Variants in WDR86 observed in about 807,000 individuals in gnomAD.
The protein encoded by WDR86 is WD repeat-containing protein 86.
WDR86 carries 30 observed loss-of-function variants against 36.5 expected under a neutral mutation model. That is an observed-to-expected ratio of 0.82 (90% CI 0.61 to 1.11). WDR86 has a LOEUF of 1.11. Among genes scored for constraint, WDR86 ranks in the 50% most tolerant of loss-of-function variants. The probability of loss-of-function intolerance (pLI) is 0.00; values close to 1 mark genes in which losing one functional copy is unlikely to be tolerated. For synonymous variants in WDR86, 255 were observed against 252.9 expected (o/e 1.01, Z -0.08); for missense variants, 545 against 561.2 (o/e 0.97, Z 0.29).
chr7:151,400,286 A>G (rs752995651), intron 1 of WDR86, 45 bp from the exon 2 acceptor site: 5 of 1,495,496 alleles, frequency 3.3e-6, no homozygotes, highest in Non-Finnish European at 4.5e-6. Flanking sequence ...TGGGGATGCC[A>G]GCTCCTGCTT....
At position 151,409,293 on chromosome 7, in the gene WDR86, C is replaced by A. The variant is rs759028443; in HGVS notation, c.163+134G>T. ...GCCAGATGCTGGGCCCAGACAAGCG[C>A]TCTTCCGCTAGTGTGCCGGGATGAG... is the stretch of plus-strand genomic sequence containing the variant. On this transcript the variant is annotated intron_variant, in intron 1 of 5. Coordinates refer to ENST00000334493, the MANE Select transcript of WDR86 (RefSeq NM_198285.3). This position sits in a 1 kb window ranked among gnomAD's most constrained non-coding sequence, Gnocchi z 5.2. The A allele has an allele frequency of 2.1e-6, 3 of 1,396,544 alleles. No individual in the cohort carries two copies. The highest frequency in any genetic ancestry group is 1.3e-5 in the South Asian group (1 of 74,854). 86.5% of individuals were successfully genotyped at this position (1,396,544 alleles called of 1,614,324 possible).
At chr7:151,383,249 G>A (rs1302302411) in intron 4 of WDR86, among the ~76,000 whole-genome samples, 1 of 151,968 alleles carries the variant, frequency 6.6e-6, no homozygotes, top group Non-Finnish European at 1.5e-5. Flanking sequence ...AGCTGGCAGA[G>A]CAGATCATGA....
rs1458249397 is a variant in WDR86, at chr7:151,406,358, C to A, written c.163+3069G>T. On this transcript the variant is annotated intron_variant, in intron 1 of 5. Transcript: ENST00000334493. The surrounding 1 kb of genome is among the most constrained non-coding windows in gnomAD (Gnocchi z 4.4). ...CAGGAAAGCCTGCGGTCCCTGATTG[C>A]CCCTGCTGCCATGAACAGAGCCAGA... 6.6e-6 allele frequency among the ~76,000 whole-genome samples: 1 copy of A among 152,206 alleles called. No homozygotes were observed. Among genetic ancestry groups the A allele is most frequent in the Non-Finnish European group, 1.5e-5 (1 of 68,038 alleles).
Position 151,400,136 on chromosome 7 carries a change from AGACACTGCCCGGTCAGCAC to A in WDR86, c.250_268del (p.Val84CysfsTer11), listed in dbSNP as rs1310550072. On this transcript the variant is annotated frameshift_variant, in exon 2 of 6. Transcript: ENST00000334493. LOFTEE classifies it high-confidence loss of function. The stretch of plus-strand genomic sequence containing the variant: ...GGACGTGTGTCCTCGGTACACCTGC[AGACACTGCCCGGTCAGCAC>A]GTCCCACCTCCTGATGGTGCAGTCG... 5 of 1,611,852 alleles carry A rather than the reference AGACACTGCCCGGTCAGCAC, an allele frequency of 3.1e-6. No individual in the cohort carries two copies. The highest frequency in any genetic ancestry group is 1.1e-5 in the South Asian group (1 of 90,530).
intron 3 of WDR86, among the ~76,000 whole-genome samples, chr7:151,393,783 C>T (rs923023878): frequency 1.2e-4 from 18 of 152,208 alleles, no homozygotes; most frequent in South Asian, 1.0e-3. Flanking sequence ...TTACGAGTCT[C>T]GGGCCACTAG....
intron 4 of WDR86, among the ~76,000 whole-genome samples, chr7:151,382,222 G>C (rs1798649060): frequency 6.6e-6 from 1 of 152,204 alleles, no homozygotes; most frequent in Admixed American, 6.5e-5. Context: ...AACACCGCCC[G>C]GGCCCAGTCC....
intron 2 of WDR86, among the ~76,000 whole-genome samples, chr7:151,396,514 G>A (rs1293925190): frequency 6.6e-6 from 1 of 152,180 alleles, no homozygotes; most frequent in East Asian, 1.9e-4. Context: ...GGATGGGGGA[G>A]GAGGTAGGGG....
intron 4 of WDR86, among the ~76,000 whole-genome samples, chr7:151,382,448 C>G (rs576620186): frequency 1.1e-4 from 17 of 152,330 alleles, no homozygotes; most frequent in Admixed American, 3.3e-4. Context: ...GGGCGAGCCT[C>G]CGACCTCAGT....
In WDR86 at chr7:151,385,107, G is replaced by A; in HGVS notation, c.843C>T (p.Leu281=). The change falls in exon 4 of 6, where the codon CTC becomes CTT. Residue 281 remains leucine, a synonymous_variant. Transcript: ENST00000334493. ...FTAHRRNVSA[L]KYHAGTLFTG... is the part of the protein sequence containing the mutation. Reference sequence around the variant, plus strand: ...ACTTACAGGTGCCCGCGTGGTACTTGAGGGCGCTCACGTTGCGTCTGTGGG... The same window carrying A: ...ACTTACAGGTGCCCGCGTGGTACTTAAGGGCGCTCACGTTGCGTCTGTGGG... 6.2e-7 allele frequency: 1 copy of A among 1,609,116 alleles called. No homozygotes were observed. The highest frequency in any genetic ancestry group is 8.5e-7 in the Non-Finnish European group (1 of 1,177,732).
chr7:151,407,113 C>G (rs1354116434), intron 1 of WDR86, among the ~76,000 whole-genome samples: 1 of 152,180 alleles, frequency 6.6e-6, no homozygotes, highest in African/African-American at 2.4e-5. Flanking sequence ...AAATACCAAC[C>G]CATATAACAG....
intron 3 of WDR86, among the ~76,000 whole-genome samples, chr7:151,391,944 C>G (rs190365477): frequency 8.5e-5 from 13 of 152,298 alleles, no homozygotes; most frequent in African/African-American, 2.9e-4. Context: ...CCTAGTGAAG[C>G]AGGGTGTCAC....
chr7:151,385,258 G>A (rs1440984606), intron 3 of WDR86, 35 bp from the exon 4 acceptor site: 2 of 1,606,206 alleles, frequency 1.2e-6, no homozygotes, highest in South Asian at 1.1e-5. Flanking sequence ...GGCAGCTGGG[G>A]CAGCTCTGAA....
chr7:151,376,812 G>T (rs1563034033), downstream of WDR86: 2 of 1,578,886 alleles, frequency 1.3e-6, no homozygotes, highest in African/African-American at 1.3e-5. Context: ...GACTCCGCAG[G>T]TAGGTCTGAG....
intron 3 of WDR86, among the ~76,000 whole-genome samples, chr7:151,391,072 C>T (rs562334976): frequency 6.6e-6 from 1 of 152,332 alleles, no homozygotes; most frequent in African/African-American, 2.4e-5. Flanking sequence ...TTCCTGGACC[C>T]GAGAGGGCCA....
rs1055376682 is a variant in WDR86 at position 151,406,800 on chromosome 7, G to A, written c.163+2627C>T. Among the ~76,000 whole-genome samples, 3 of 152,164 alleles carry A rather than the reference G, an allele frequency of 2.0e-5. No individual in the cohort carries two copies. The highest frequency in any genetic ancestry group is 7.2e-5 in the African/African-American group (3 of 41,428). ...TCTGCACCTCCCCACTCTCCTCTGT[G>A]AACTGGTGTCAATCCCACCCACCTC... On this transcript the variant is annotated intron_variant, in intron 1 of 5. Coordinates refer to ENST00000334493, the MANE Select transcript of WDR86 (RefSeq NM_198285.3). The surrounding 1 kb of genome is among the most constrained non-coding windows in gnomAD (Gnocchi z 4.4).
Position 151,409,715 on chromosome 7 carries a change from T to A in WDR86, c.-126A>T. ...CGCGGGGAACGGGGAGCCCGACTCC[T>A]GCGGAGGCACGCGGCGAGGGGAGGG... On this transcript the variant is annotated 5_prime_UTR_variant, in exon 1 of 6. Transcript: ENST00000334493. This position sits in a 1 kb window ranked among gnomAD's most constrained non-coding sequence, Gnocchi z 5.2. The A allele has an allele frequency of 7.7e-7, 1 of 1,293,988 alleles. No homozygotes were observed. Among genetic ancestry groups the A allele is most frequent in the South Asian group, 2.5e-5 (1 of 40,324 alleles). 80.2% of individuals were successfully genotyped at this position (1,293,988 alleles called of 1,614,324 possible).
intron 1 of WDR86, among the ~76,000 whole-genome samples, chr7:151,404,750 G>A (rs1044557167): frequency 6.6e-6 from 1 of 152,358 alleles, no homozygotes; most frequent in East Asian, 1.9e-4. Flanking sequence ...TGAGGCTGAC[G>A]GTTTTCTGCC....
At chr7:151,373,014 G>T (rs529717114), downstream of WDR86, among the ~76,000 whole-genome samples, 1 of 152,266 alleles carries the variant, frequency 6.6e-6, no homozygotes, top group South Asian at 2.1e-4. Flanking sequence ...CCTACTGTGG[G>T]GCCTGTGGAG....
At chr7:151,369,867 A>C in the WDR86 span, among the ~76,000 whole-genome samples, 7 of 152,172 alleles carry the variant, frequency 4.6e-5, no homozygotes, top group Non-Finnish European at 1.0e-4. Flanking sequence ...AAGCAGCCTC[A>C]GGGGTATTTG....
Sources: allele counts gnomAD v4.1 joint callset (sites outside exome capture counted in the v4.1 genomes callset), GRCh38; gene constraint gnomAD v4.1.1; non-coding constraint Gnocchi (gnomAD v3.1); transcripts MANE v1.5; gene names NCBI Gene and HGNC (gene_info 2026-07-23, HGNC 2026-07-21).